PHLPP1: variants seen among roughly 807,000 people sequenced by gnomAD.
The protein encoded by PHLPP1 is PH domain leucine-rich repeat-containing protein phosphatase 1.
Under a neutral mutation model 117.2 loss-of-function variants are expected in PHLPP1, and 42 were observed. That is an observed-to-expected ratio of 0.36 (90% confidence interval 0.28 to 0.46). The LOEUF (loss-of-function observed/expected upper bound fraction) is 0.46, where lower values mean the gene tolerates loss of function less well. Ranked by LOEUF, PHLPP1 falls within the 20% of genes least tolerant of loss-of-function variation. PHLPP1 has a pLI of 1.00. For missense variants in PHLPP1, 2,084 were observed against 2,241.9 expected, an observed-to-expected ratio of 0.93 and a Z score of 1.42; for synonymous variants, 1,042 against 970.7, an observed-to-expected ratio of 1.07 and a Z score of -1.37.
intron 1 of PHLPP1, among the ~76,000 whole-genome samples, chr18:62,759,369 G>A (rs950188318): frequency 6.6e-6 from 1 of 152,180 alleles, no homozygotes; most frequent in Admixed American, 6.5e-5. Flanking sequence ...AGGTCAGTGT[G>A]TACTTTTGGA....
At chr18:62,854,024 A>G (rs999819606) in intron 3 of PHLPP1, among the ~76,000 whole-genome samples, 16 of 152,200 alleles carry the variant, frequency 1.1e-4, no homozygotes, top group African/African-American at 3.9e-4. Flanking sequence ...AACTTGAAGG[A>G]CAGGTAAGCG....
intron 1 of PHLPP1, among the ~76,000 whole-genome samples, chr18:62,739,244 A>G (rs1056502982): frequency 1.3e-5 from 2 of 152,254 alleles, no homozygotes; most frequent in African/African-American, 4.8e-5. Context: ...GAATGCCTAT[A>G]TTTAAAAAGT....
chr18:62,777,817 T>C (rs1484786298), intron 1 of PHLPP1, among the ~76,000 whole-genome samples: 2 of 152,264 alleles, frequency 1.3e-5, no homozygotes, highest in Admixed American at 1.3e-4. Flanking sequence ...TCGTTGTTTT[T>C]GTCTCTCACA....
chr18:62,919,937 TC>T, intron 9 of PHLPP1, 21 bp from the exon 10 acceptor site: 1 of 1,551,326 alleles, frequency 6.4e-7, no homozygotes, highest in Non-Finnish European at 8.7e-7. Flanking sequence ...CATTTTTTGG[TC>T]TTTTGTCCCT....
chr18:62,732,155 A>G (rs941639600), intron 1 of PHLPP1, among the ~76,000 whole-genome samples: 1 of 152,138 alleles, frequency 6.6e-6, no homozygotes, highest in African/African-American at 2.4e-5. Flanking sequence ...TGGATGAAGC[A>G]GCCTTCTATT....
intron 10 of PHLPP1, among the ~76,000 whole-genome samples, chr18:62,922,362 T>A (rs1909499149): frequency 6.6e-6 from 1 of 152,152 alleles, no homozygotes; most frequent in African/African-American, 2.4e-5. Flanking sequence ...GTCTTAAACT[T>A]CTGATCTCAA....
chr18:62,972,133 G>A (rs1460351578), intron 14 of PHLPP1, among the ~76,000 whole-genome samples: 2 of 152,160 alleles, frequency 1.3e-5, no homozygotes, highest in South Asian at 4.1e-4. Flanking sequence ...ATTTTTCCCA[G>A]TGTTTTAGTT....
intron 4 of PHLPP1, among the ~76,000 whole-genome samples, chr18:62,888,647 G>A (rs995082483): frequency 3.3e-5 from 5 of 152,090 alleles, no homozygotes; most frequent in East Asian, 1.9e-4. Flanking sequence ...GCAGTGAGCC[G>A]TTATCACACC....
At chr18:62,762,602 C>T (rs558231026) in intron 1 of PHLPP1, among the ~76,000 whole-genome samples, 42 of 151,426 alleles carry the variant, frequency 2.8e-4, no homozygotes, top group Non-Finnish European at 4.9e-4. Flanking sequence ...TTAGTAGAGA[C>T]GAGGTTTCAC....
At chr18:62,943,062 T>C (rs1423158563) in intron 11 of PHLPP1, among the ~76,000 whole-genome samples, 2 of 152,204 alleles carry the variant, frequency 1.3e-5, no homozygotes, top group Non-Finnish European at 2.9e-5. Context: ...GAGCTCATTG[T>C]CTTCTTTCAG....
At chr18:62,924,028 G>A (rs182869759) in intron 10 of PHLPP1, among the ~76,000 whole-genome samples, 7 of 152,252 alleles carry the variant, frequency 4.6e-5, no homozygotes, top group Non-Finnish European at 8.8e-5. Flanking sequence ...GCTTACAATC[G>A]AATGAAGAGT....
At position 62,716,780 on chromosome 18, in the gene PHLPP1, A is replaced by ACAG. The variant is rs919925107; in HGVS notation, c.1102_1104dup (p.Ser368dup). On this transcript the variant is annotated inframe_insertion, in exon 1 of 17. Transcript: ENST00000262719. The surrounding 1 kb of genome is among the most constrained non-coding windows in gnomAD (Gnocchi z 5.7). ...AGCGTGTCTGACCGGTTGGACCCCT[A>ACAG]CAGCAGCGGCGGCGGCTCCTCGTCG... 2.0e-5 allele frequency: 31 copies of ACAG among 1,526,082 alleles called. No homozygotes were observed. In the African/African-American group the frequency reaches 4.1e-4, roughly 20 times the overall value. 94.5% of individuals were successfully genotyped at this position (1,526,082 alleles called of 1,614,324 possible).
At chr18:62,829,581 G>A (rs370119031) in intron 1 of PHLPP1, among the ~76,000 whole-genome samples, 8 of 152,184 alleles carry the variant, frequency 5.3e-5, no homozygotes, top group Middle Eastern at 3.4e-3. Flanking sequence ...GTGAAACCCC[G>A]TCTCTACTAA....
intron 4 of PHLPP1, among the ~76,000 whole-genome samples, chr18:62,863,908 A>G (rs987599104): frequency 6.6e-5 from 10 of 152,040 alleles, no homozygotes; most frequent in African/African-American, 2.4e-4. Flanking sequence ...GGTAAACCTT[A>G]TTTTACCCAG....
chr18:62,791,190 G>C (rs1459987904), intron 1 of PHLPP1, among the ~76,000 whole-genome samples: 1 of 151,988 alleles, frequency 6.6e-6, no homozygotes, highest in Non-Finnish European at 1.5e-5. Context: ...AAATTTTGTG[G>C]GATGATTGGA....
chr18:62,874,811 G>A (rs549135661), intron 4 of PHLPP1, among the ~76,000 whole-genome samples: 2 of 152,338 alleles, frequency 1.3e-5, no homozygotes, highest in South Asian at 4.1e-4. Context: ...CACACAGACG[G>A]AGGAGAATGG....
At chr18:62,766,074 AAAATATATATATATAT>A (rs2057669116) in intron 1 of PHLPP1, among the ~76,000 whole-genome samples, 1 of 18,232 alleles carries the variant, frequency 5.5e-5, no homozygotes, top group African/African-American at 1.4e-4. Flanking sequence ...AAAAAAAAAA[AAAATATATATATATAT>A]ATATATATAT....
chr18:62,814,582 G>C (rs1251997624), intron 1 of PHLPP1, among the ~76,000 whole-genome samples: 4 of 152,210 alleles, frequency 2.6e-5, no homozygotes, highest in Non-Finnish European at 4.4e-5. Context: ...AAGATAAAGA[G>C]GGTGAGGTGA....
In PHLPP1 at chr18:62,717,082, C is replaced by T. The variant is rs1568092022; in HGVS notation, c.1399C>T (p.Pro467Ser). 3 of 1,548,274 alleles carry T rather than the reference C, an allele frequency of 1.9e-6. No homozygotes were observed. Among genetic ancestry groups the T allele is most frequent in the Non-Finnish European group, 2.6e-6 (3 of 1,146,864 alleles). The change falls in exon 1 of 17, where the codon CCG (proline) becomes TCG (serine). Residue 467 changes from proline (P) to serine (S), a missense_variant. Pro to Ser is a moderately conservative substitution (Grantham distance 74). This residue lies in a region of PHLPP1 where 1,365 missense variants were observed against 1,605.9 expected (regional missense o/e 0.85). Coordinates refer to ENST00000262719, the MANE Select transcript of PHLPP1 (RefSeq NM_194449.4). ...CGCGGAGAAGGCGCCTCCGCCGCCCCCGCCGCCCACCCTGTACGTGCAGCT... is the reference window on the plus strand; with the variant it reads ...CGCGGAGAAGGCGCCTCCGCCGCCCTCGCCGCCCACCCTGTACGTGCAGCT... ...VTAEKAPPPP[P>S]PPTLYVQLHG...
Sources: gnomAD v4.1 joint callset for allele counts (sites outside exome capture counted in the v4.1 genomes callset) on GRCh38, gnomAD v4.1.1 for gene constraint, gnomAD v4.1.1 regional missense constraint, Gnocchi (gnomAD v3.1) non-coding constraint, MANE v1.5 for transcripts, NCBI Gene and HGNC (gene_info 2026-07-23, HGNC 2026-07-21) for gene names.